PSMG2: variants seen among roughly 807,000 people sequenced by gnomAD.
PSMG2 encodes the protein CD40 ligand-activated specific transcript 3.
A neutral mutation model predicts 31.5 loss-of-function variants in PSMG2; 21 were observed. The ratio of observed to expected loss-of-function variants is 0.67; its 90% CI spans 0.47 to 0.96. PSMG2 has a LOEUF of 0.96. PSMG2 is among the 40% of genes least tolerant of loss of function. The pLI is 0.00. For synonymous variants in PSMG2, 120 were observed against 110.4 expected (o/e 1.09, Z -0.54); for missense variants, 318 against 321.2 (o/e 0.99, Z 0.08).
chr18:12,721,143 G>C (rs1015374736), intron 5 of PSMG2, among the ~76,000 whole-genome samples: 1 of 152,038 alleles, frequency 6.6e-6, no homozygotes, highest in Admixed American at 6.5e-5. Flanking sequence ...TCGCGCCACT[G>C]CACTCCAGCC....
At chr18:12,707,080 C>T (rs766892363) in intron 2 of PSMG2, among the ~76,000 whole-genome samples, 5 of 152,274 alleles carry the variant, frequency 3.3e-5, no homozygotes, top group African/African-American at 9.6e-5. Flanking sequence ...CTCAGCCTCC[C>T]GAGTAGCTGG....
At chr18:12,673,737 C>T (rs1045824527) in intron 1 of PSMG2, among the ~76,000 whole-genome samples, 3 of 151,866 alleles carry the variant, frequency 2.0e-5, no homozygotes, top group South Asian at 2.1e-4. Flanking sequence ...AAAAATTAGC[C>T]GCGTGTGGTG....
At chr18:12,705,576 A>AGAGAGAGAGT (rs1465866538) in intron 1 of PSMG2, among the ~76,000 whole-genome samples, 65 of 129,774 alleles carry the variant, frequency 5.0e-4, no homozygotes, top group African/African-American at 1.9e-3. Context: ...AGAGAGAGAG[A>AGAGAGAGAGT]GTGTGTGTGT....
intron 1 of PSMG2, among the ~76,000 whole-genome samples, chr18:12,696,381 T>C (rs1027204107): frequency 1.3e-5 from 2 of 152,062 alleles, no homozygotes; most frequent in Admixed American, 1.3e-4. Flanking sequence ...TGCATGCCTG[T>C]AGTCCCAGCT....
intron 1 of PSMG2, among the ~76,000 whole-genome samples, chr18:12,668,549 G>A (rs1004559888): frequency 4.8e-5 from 6 of 125,130 alleles, no homozygotes; most frequent in African/African-American, 1.5e-4. Context: ...AGGGAGCCAA[G>A]ATTGCACCAC....
chr18:12,723,928 G>C (rs902720070), intron 5 of PSMG2, among the ~76,000 whole-genome samples: 8 of 152,174 alleles, frequency 5.3e-5, no homozygotes, highest in African/African-American at 1.9e-4. Context: ...CCTGGTGTCT[G>C]TCTTTGTTCC....
At chr18:12,702,597 A>C (rs1238461281), upstream of PSMG2, 1 of 1,574,758 alleles carries the variant, frequency 6.4e-7, no homozygotes, top group Non-Finnish European at 8.6e-7. Context: ...CAGATGCCCT[A>C]ACTGCGCGGC....
intron 1 of PSMG2, among the ~76,000 whole-genome samples, chr18:12,696,776 C>T (rs182899651): frequency 7.9e-5 from 12 of 152,114 alleles, no homozygotes; most frequent in African/African-American, 2.4e-4. Context: ...TTTCCTCTTC[C>T]GAGTCTCACT....
intron 1 of PSMG2, among the ~76,000 whole-genome samples, chr18:12,671,556 C>T (rs2038942488): frequency 6.7e-6 from 1 of 149,418 alleles, no homozygotes; most frequent in African/African-American, 2.5e-5. Context: ...AATTGCTACT[C>T]TTTTTAAAGT....
At chr18:12,709,736 G>A (rs9945140) in intron 2 of PSMG2, among the ~76,000 whole-genome samples, 59,148 of 151,448 alleles carry the variant, frequency 0.39, 11,939 homozygotes, top group Non-Finnish European at 0.45. Flanking sequence ...CTGACCTCAG[G>A]TGATCCAACC....
At chr18:12,716,126 A>T (rs898379592) in intron 3 of PSMG2, among the ~76,000 whole-genome samples, 1 of 152,114 alleles carries the variant, frequency 6.6e-6, no homozygotes, top group African/African-American at 2.4e-5. Flanking sequence ...CATAAGCCAT[A>T]ATTTTTCCAT....
chr18:12,671,134 G>GGGA (rs1555641196), intron 1 of PSMG2: 1 of 150,494 alleles, frequency 6.6e-6, no homozygotes, highest in Non-Finnish European at 1.5e-5. Flanking sequence ...GAGAAATAGG[G>GGGA]GGGGGTCTCT....
intron 1 of PSMG2, chr18:12,691,430 T>C: frequency 6.2e-7 from 1 of 1,609,530 alleles, no homozygotes; most frequent in Non-Finnish European, 8.5e-7. Context: ...CACCACTGCT[T>C]AGCATATACA....
At chr18:12,693,627 A>C (rs1392689501) in intron 1 of PSMG2, among the ~76,000 whole-genome samples, 1 of 152,138 alleles carries the variant, frequency 6.6e-6, no homozygotes, top group African/African-American at 2.4e-5. Context: ...TATTAAAAAT[A>C]CAAAAATTAG....
At chr18:12,673,815 A>C (rs1349187564) in intron 1 of PSMG2, among the ~76,000 whole-genome samples, 3 of 152,204 alleles carry the variant, frequency 2.0e-5, no homozygotes, top group Non-Finnish European at 2.9e-5. Flanking sequence ...CAGGAGGCAG[A>C]GGTTGCAGTG....
At chr18:12,720,793 C>G (rs985445552) in intron 5 of PSMG2, 110 bp downstream of exon 5, 4 of 1,078,342 alleles carry the variant, frequency 3.7e-6, no homozygotes, top group Middle Eastern at 2.2e-4. Context: ...GAGCAAGACT[C>G]TGTCTCAAAC....
chr18:12,703,241 G>A (rs928655939), intron 1 of PSMG2, 77 bp downstream of exon 1: 1 of 1,462,640 alleles, frequency 6.8e-7, no homozygotes, highest in Non-Finnish European at 9.3e-7. Context: ...GGGGTGTTTG[G>A]CGGTGCCTTG....
chr18:12,717,968 C>T (rs2040393283), intron 3 of PSMG2, among the ~76,000 whole-genome samples: 1 of 150,924 alleles, frequency 6.6e-6, no homozygotes, highest in Non-Finnish European at 1.5e-5. Flanking sequence ...TTTTTGAAAT[C>T]TAGATTCCTC....
At chr18:12,720,738 T>C in intron 5 of PSMG2, 55 bp downstream of exon 5, 1 of 1,540,500 alleles carries the variant, frequency 6.5e-7, no homozygotes, top group Non-Finnish European at 8.8e-7. Context: ...ATGAAATTAA[T>C]GCAGTGAGCT....
Sources: allele counts gnomAD v4.1 joint callset (sites outside exome capture counted in the v4.1 genomes callset), GRCh38; gene constraint gnomAD v4.1.1; transcripts MANE v1.5; gene names NCBI Gene and HGNC (gene_info 2026-07-23, HGNC 2026-07-21).